The following FUT9 variants were observed in gnomAD, a reference collection of about 807,000 sequenced individuals.
FUT9 encodes fucosyltransferase 9, also known as 4-galactosyl-N-acetylglucosaminide 3-alpha-L-fucosyltransferase 9.
Under a neutral mutation model 29.7 loss-of-function variants are expected in FUT9, and 15 were observed. The ratio of observed to expected loss-of-function variants is 0.51; its 90% CI spans 0.34 to 0.78. The LOEUF (loss-of-function observed/expected upper bound fraction) is 0.78. Ranked by LOEUF, FUT9 falls within the 30% of genes least tolerant of loss-of-function variation. The pLI is 0.01. For missense variants in FUT9, 319 were observed against 425.4 expected (o/e 0.75, Z 2.20); for synonymous variants, 169 against 153.7 (o/e 1.10, Z -0.74).
chr6:96,023,330 C>T (rs62418399), intron 1 of FUT9, among the ~76,000 whole-genome samples: 8,013 of 151,836 alleles, frequency 0.053, 432 homozygotes, highest in Admixed American at 0.13. Context: ...TATCAGCTGC[C>T]GTGGTTGATA....
intron 1 of FUT9, among the ~76,000 whole-genome samples, chr6:96,029,972 CAG>C (rs1386136031): frequency 2.0e-5 from 3 of 151,494 alleles, no homozygotes; most frequent in Admixed American, 1.3e-4. Flanking sequence ...CAGCTAAGAA[CAG>C]AGTTTCAGAA....
rs116188718 is a variant in FUT9 at position 96,138,590 on chromosome 6, A to T, written c.-9+24463A>T. Among the ~76,000 whole-genome samples, 683 of 152,228 alleles carry T rather than the reference A, an allele frequency of 4.5e-3. 4 individuals carry two copies. Among genetic ancestry groups the T allele is most frequent in the African/African-American group, 0.016 (652 of 41,548 alleles). On this transcript the variant is annotated intron_variant, in intron 2 of 2. Coordinates refer to ENST00000302103, the MANE Select transcript of FUT9 (RefSeq NM_006581.4). ...AAGCTCTTAGCACAGATGGTTAGCA[A>T]CAAGGTTGAGGACACAATTAACAGT...
intron 2 of FUT9, among the ~76,000 whole-genome samples, chr6:96,117,468 T>C (rs1181529521): frequency 6.6e-6 from 1 of 152,246 alleles, no homozygotes; most frequent in African/African-American, 2.4e-5. Context: ...GAAGCAGTGA[T>C]ACCACATTAG....
intron 1 of FUT9, among the ~76,000 whole-genome samples, chr6:96,044,365 C>G (rs1770521913): frequency 6.6e-6 from 1 of 152,134 alleles, no homozygotes; most frequent in Non-Finnish European, 1.5e-5. Flanking sequence ...AAATAGCAAA[C>G]CCATTTGCAT....
chr6:96,088,099 T>C lies in FUT9; in HGVS notation c.-97-25940T>C, dbSNP rs4308564. On this transcript the variant is annotated intron_variant, in intron 1 of 2. Transcript: ENST00000302103. ...TATCTTTATTTCCTATATTACATAATATGTCTTCTTCTTTGGCTGCTTTGA... is the reference window on the plus strand; with the variant it reads ...TATCTTTATTTCCTATATTACATAACATGTCTTCTTCTTTGGCTGCTTTGA... Among the ~76,000 whole-genome samples, 102 of 152,194 alleles carry C rather than the reference T, an allele frequency of 6.7e-4. 1 individual carries two copies. In the South Asian group the frequency reaches 0.018, roughly 26 times the overall value.
chr6:96,067,676 T>C (rs1299842674), intron 1 of FUT9, among the ~76,000 whole-genome samples: 1 of 152,160 alleles, frequency 6.6e-6, no homozygotes, highest in African/African-American at 2.4e-5. Context: ...CTGATGCTTT[T>C]AGCTTTTAGC....
intron 1 of FUT9, among the ~76,000 whole-genome samples, chr6:96,026,537 T>C (rs1214760050): frequency 6.6e-6 from 1 of 151,722 alleles, no homozygotes; most frequent in Non-Finnish European, 1.5e-5. Flanking sequence ...TTATAATGTA[T>C]TGTAAATCAA....
At chr6:96,146,162 G>A (rs1378560947) in intron 2 of FUT9, among the ~76,000 whole-genome samples, 1 of 152,128 alleles carries the variant, frequency 6.6e-6, no homozygotes, top group African/African-American at 2.4e-5. Context: ...AAAGTGAGAT[G>A]GGAAGGAGTG....
intron 2 of FUT9, among the ~76,000 whole-genome samples, chr6:96,182,112 T>C (rs1010467443): frequency 9.2e-5 from 14 of 152,030 alleles, no homozygotes; most frequent in Non-Finnish European, 7.4e-5. Context: ...TTTTTGATTA[T>C]GGACATTCTT....
At position 96,087,866 on chromosome 6, in the gene FUT9, A is replaced by G. The variant is rs893672716; in HGVS notation, c.-97-26173A>G. Among the ~76,000 whole-genome samples the G allele has an allele frequency of 7.9e-5, 12 of 152,190 alleles. 1 individual carries two copies. Among genetic ancestry groups the G allele is most frequent in the African/African-American group, 2.9e-4 (12 of 41,464 alleles). Reference sequence around the variant, plus strand: ...TTTGGCATAGATCCATGTTTCCACAAGGATCATTTCTTCTGAAGGGCTTCC... The same window carrying G: ...TTTGGCATAGATCCATGTTTCCACAGGGATCATTTCTTCTGAAGGGCTTCC... On this transcript the variant is annotated intron_variant, in intron 1 of 2. Transcript: ENST00000302103.
chr6:96,039,586 G>A (rs548594091), intron 1 of FUT9, among the ~76,000 whole-genome samples: 6 of 151,904 alleles, frequency 3.9e-5, no homozygotes, highest in Non-Finnish European at 7.4e-5. Context: ...ATTTATCCAG[G>A]TCTCAACTCA....
rs1176640200 is a variant in FUT9, at chr6:96,207,800, T to G, written c.*3565T>G. 6.0e-6 allele frequency: 1 copy of G among 167,012 alleles called. No homozygotes were observed. Among genetic ancestry groups the G allele is most frequent in the Non-Finnish European group, 1.5e-5 (1 of 68,052 alleles). The allele number at this position is 167,012 out of a possible 1,614,324, so 10.3% of individuals were successfully genotyped here. ...AATACTCTAAATATTTAAATATTAA[T>G]TATTGTAGACATCAGTAAGAATAAA... On this transcript the variant is annotated 3_prime_UTR_variant, in exon 3 of 3. Transcript: ENST00000302103.
At chr6:96,186,373 G>T (rs1773406041) in intron 2 of FUT9, among the ~76,000 whole-genome samples, 1 of 152,052 alleles carries the variant, frequency 6.6e-6, no homozygotes, top group Non-Finnish European at 1.5e-5. Context: ...GCAAAATTTG[G>T]TCTGATGCAG....
At chr6:96,081,746 C>G (rs958750889) in intron 1 of FUT9, among the ~76,000 whole-genome samples, 1 of 151,786 alleles carries the variant, frequency 6.6e-6, no homozygotes, top group Non-Finnish European at 1.5e-5. Flanking sequence ...TAGATTATGC[C>G]AAACTATTAA....
chr6:96,078,672 G>C (rs1771184819), intron 1 of FUT9, among the ~76,000 whole-genome samples: 1 of 151,646 alleles, frequency 6.6e-6, no homozygotes. Context: ...AGCCCGACTC[G>C]GCCTCCCAAA....
intron 1 of FUT9, among the ~76,000 whole-genome samples, chr6:96,053,650 A>G (rs1310017028): frequency 6.6e-6 from 1 of 152,154 alleles, no homozygotes; most frequent in East Asian, 1.9e-4. Flanking sequence ...CGTAGTTTGC[A>G]GTGAGCCGAG....
chr6:96,166,322 A>T (rs1176941532), intron 2 of FUT9, among the ~76,000 whole-genome samples: 1 of 152,210 alleles, frequency 6.6e-6, no homozygotes, highest in Non-Finnish European at 1.5e-5. Flanking sequence ...TAGTCTATAC[A>T]TTGTCAGTTG....
chr6:96,126,530 C>T lies in FUT9; in HGVS notation c.-9+12403C>T, dbSNP rs1772137049. 2.0e-5 allele frequency among the ~76,000 whole-genome samples: 3 copies of T among 152,286 alleles called. No individual in the cohort carries two copies. In the South Asian group the frequency reaches 6.2e-4, roughly 32 times the overall value. Reference sequence around the variant, plus strand: ...TCTTCAAAGCACTCACTCAACAAAGCAGAAAACTATTTATACCATAGTTTT... The same window carrying T: ...TCTTCAAAGCACTCACTCAACAAAGTAGAAAACTATTTATACCATAGTTTT... On this transcript the variant is annotated intron_variant, in intron 2 of 2. Coordinates refer to ENST00000302103, the MANE Select transcript of FUT9 (RefSeq NM_006581.4).
intron 2 of FUT9, among the ~76,000 whole-genome samples, chr6:96,180,886 T>C (rs545122439): frequency 6.2e-4 from 94 of 151,662 alleles, no homozygotes; most frequent in Non-Finnish European, 9.9e-4. Flanking sequence ...AAAAATGAAA[T>C]TTTTCTTGAT....
Sources: allele counts gnomAD v4.1 joint callset (sites outside exome capture counted in the v4.1 genomes callset), GRCh38; gene constraint gnomAD v4.1.1; transcripts MANE v1.5; gene names NCBI Gene and HGNC (gene_info 2026-07-23, HGNC 2026-07-21).